The following KCND2 variants were observed in gnomAD, a reference collection of about 807,000 sequenced individuals.
KCND2 encodes potassium voltage-gated channel subfamily D member 2, also known as A-type voltage-gated potassium channel KCND2.
In KCND2, 16 loss-of-function variants were observed where a neutral mutation model predicts 54.4. That is an observed-to-expected ratio of 0.29 (90% CI 0.20 to 0.45). KCND2 has a LOEUF of 0.45. Ranked by LOEUF, KCND2 falls within the 20% of genes least tolerant of loss-of-function variation. KCND2 has a pLI of 1.00. For synonymous variants in KCND2, 317 were observed against 310.7 expected, an observed-to-expected ratio of 1.02 and a Z score of -0.21; for missense variants, 486 against 824.2, an observed-to-expected ratio of 0.59 and a Z score of 5.02.
chr7:120,341,663 T>C (rs1800241070), intron 1 of KCND2, among the ~76,000 whole-genome samples: 1 of 152,074 alleles, frequency 6.6e-6, no homozygotes, highest in Non-Finnish European at 1.5e-5. Flanking sequence ...TTGGCTGCAA[T>C]AGAGTGGAGG....
In KCND2 at chr7:120,319,583, C is replaced by A. The variant is rs145126581; in HGVS notation, c.1115+43836C>A. Reference sequence around the variant, plus strand: ...TCTAAAGGCAGGTCAAAATAAATAACACTCTTGCCGATATATCTAAAACAT... The same window carrying A: ...TCTAAAGGCAGGTCAAAATAAATAAAACTCTTGCCGATATATCTAAAACAT... On this transcript the variant is annotated intron_variant, in intron 1 of 5. Coordinates refer to ENST00000331113, the MANE Select transcript of KCND2 (RefSeq NM_012281.3). 6.6e-5 allele frequency among the ~76,000 whole-genome samples: 10 copies of A among 152,162 alleles called. No homozygotes were observed. The East Asian group carries it at 1.9e-3, about 29-fold the overall frequency.
intron 1 of KCND2, among the ~76,000 whole-genome samples, chr7:120,574,325 T>C (rs1019539484): frequency 5.1e-4 from 77 of 152,186 alleles, no homozygotes; most frequent in Admixed American, 6.5e-5. Flanking sequence ...ACAGAAATAT[T>C]TGTCAGCAGC....
intron 1 of KCND2, among the ~76,000 whole-genome samples, chr7:120,557,072 T>G (rs1425050307): frequency 6.6e-6 from 1 of 152,220 alleles, no homozygotes; most frequent in Non-Finnish European, 1.5e-5. Flanking sequence ...TTTCTCAATG[T>G]TGCTTACTCT....
intron 1 of KCND2, among the ~76,000 whole-genome samples, chr7:120,444,103 T>C (rs1367441738): frequency 6.6e-6 from 1 of 152,098 alleles, no homozygotes; most frequent in Non-Finnish European, 1.5e-5. Flanking sequence ...TTCAAAGAGA[T>C]TTCTTCTTCC....
intron 1 of KCND2, among the ~76,000 whole-genome samples, chr7:120,627,167 A>G (rs1321475633): frequency 6.6e-6 from 1 of 152,044 alleles, no homozygotes; most frequent in Non-Finnish European, 1.5e-5. Context: ...CTTATTAAGC[A>G]TCTGTCACGT....
intron 1 of KCND2, among the ~76,000 whole-genome samples, chr7:120,390,012 T>C (rs1274731483): frequency 2.0e-5 from 3 of 151,908 alleles, no homozygotes; most frequent in Non-Finnish European, 4.4e-5. Context: ...TAGAAATGAT[T>C]ATTTCCTCTT....
intron 1 of KCND2, among the ~76,000 whole-genome samples, chr7:120,490,442 G>C (rs940812791): frequency 6.6e-6 from 1 of 152,000 alleles, no homozygotes; most frequent in Non-Finnish European, 1.5e-5. Context: ...TTTAGTTCTT[G>C]ATAAATTTAT....
chr7:120,273,379 C>T lies in KCND2; in HGVS notation c.-1254C>T, dbSNP rs1159649416. ...ACGAGAGCCCGTGCCGGCCCCGGCC[C>T]CGGCCCCACCGCGCCAACGCCGCCC... On this transcript the variant is annotated 5_prime_UTR_variant, in exon 1 of 6. Transcript: ENST00000331113. Among the ~76,000 whole-genome samples, 36 of 148,092 alleles carry T rather than the reference C, an allele frequency of 2.4e-4. No homozygotes were observed. The East Asian group carries it at 6.0e-3, about 25-fold the overall frequency.
intron 1 of KCND2, among the ~76,000 whole-genome samples, chr7:120,325,622 G>A (rs1799963130): frequency 6.6e-6 from 1 of 151,740 alleles, no homozygotes; most frequent in African/African-American, 2.4e-5. Context: ...TGCGTATATT[G>A]AACCAGCCTT....
At chr7:120,311,419 T>C (rs1416576243) in intron 1 of KCND2, among the ~76,000 whole-genome samples, 1 of 152,128 alleles carries the variant, frequency 6.6e-6, no homozygotes, top group African/African-American at 2.4e-5. Context: ...ATAGAGGCAA[T>C]TGGGATAGAA....
chr7:120,412,663 G>A (rs2069004162), intron 1 of KCND2, among the ~76,000 whole-genome samples: 1 of 151,888 alleles, frequency 6.6e-6, no homozygotes, highest in Non-Finnish European at 1.5e-5. Context: ...AAGACTTTTT[G>A]TATTGCTAGC....
chr7:120,725,269 T>G (rs1792719095), intron 1 of KCND2, among the ~76,000 whole-genome samples: 1 of 152,218 alleles, frequency 6.6e-6, no homozygotes, highest in African/African-American at 2.4e-5. Flanking sequence ...TTTAATTTCA[T>G]GTAATTTTCA....
In KCND2 at chr7:120,369,132, A is replaced by AT. The variant is rs919895752; in HGVS notation, c.1115+93396dup. Among the ~76,000 whole-genome samples the AT allele has an allele frequency of 8.7e-4, 129 of 148,286 alleles. No homozygotes were observed. The Middle Eastern group carries it at 0.01, about 12-fold the overall frequency. On this transcript the variant is annotated intron_variant, in intron 1 of 5. Coordinates refer to ENST00000331113, the MANE Select transcript of KCND2 (RefSeq NM_012281.3). Reference sequence around the variant, plus strand: ...AAGTTAACAATTTTGGTGGGTTGAGATTTTTTTTTTTAAATAGAAAGTTTT... The same window carrying AT: ...AAGTTAACAATTTTGGTGGGTTGAGATTTTTTTTTTTTAAATAGAAAGTTTT...
intron 1 of KCND2, among the ~76,000 whole-genome samples, chr7:120,601,142 C>T (rs1216569628): frequency 2.6e-5 from 4 of 152,072 alleles, no homozygotes; most frequent in Non-Finnish European, 5.9e-5. Context: ...TGTATACCTT[C>T]ATGGAGTTAA....
chr7:120,386,089 C>G (rs192990361), intron 1 of KCND2, among the ~76,000 whole-genome samples: 2 of 152,130 alleles, frequency 1.3e-5, no homozygotes, highest in Admixed American at 6.6e-5. Flanking sequence ...GATGATACAG[C>G]CATTGAAATG....
chr7:120,515,776 A>C (rs1803187271), intron 1 of KCND2, among the ~76,000 whole-genome samples: 1 of 152,122 alleles, frequency 6.6e-6, no homozygotes, highest in Non-Finnish European at 1.5e-5. Flanking sequence ...TGCCGAGGTG[A>C]GGTTGATAGG....
chr7:120,432,732 C>T (rs1373031100), intron 1 of KCND2, among the ~76,000 whole-genome samples: 1 of 152,118 alleles, frequency 6.6e-6, no homozygotes, highest in African/African-American at 2.4e-5. Flanking sequence ...GCAACCTCCA[C>T]CTCTATGGAT....
chr7:120,412,198 T>C (rs1009447748), intron 1 of KCND2, among the ~76,000 whole-genome samples: 16 of 152,150 alleles, frequency 1.1e-4, no homozygotes, highest in African/African-American at 3.9e-4. Flanking sequence ...CACTGAGAAG[T>C]TACACATTTA....
intron 1 of KCND2, among the ~76,000 whole-genome samples, chr7:120,463,564 T>G (rs1257567756): frequency 6.6e-6 from 1 of 152,064 alleles, no homozygotes; most frequent in Non-Finnish European, 1.5e-5. Context: ...GTGCCTAATT[T>G]GTATAGTGAA....
Sources: allele counts gnomAD v4.1 joint callset (sites outside exome capture counted in the v4.1 genomes callset), GRCh38; gene constraint gnomAD v4.1.1; transcripts MANE v1.5; gene names NCBI Gene and HGNC (gene_info 2026-07-23, HGNC 2026-07-21).